FRMD5: variants seen among roughly 807,000 people sequenced by gnomAD.
FRMD5 encodes FERM domain-containing protein 5.
Under a neutral mutation model 69.0 loss-of-function variants are expected in FRMD5, and 20 were observed. The ratio of observed to expected loss-of-function variants is 0.29; its 90% confidence interval spans 0.20 to 0.42. The LOEUF is 0.42. Ranked by LOEUF, FRMD5 falls within the 10% of genes least tolerant of loss-of-function variation. The probability of loss-of-function intolerance (pLI) is 1.00; values close to 1 mark genes in which losing one functional copy is unlikely to be tolerated. For synonymous variants in FRMD5, 271 were observed against 260.1 expected (o/e 1.04, Z -0.40); for missense variants, 595 against 708.6 (o/e 0.84, Z 1.82).
At chr15:43,996,057 G>A (rs1889906576) in intron 1 of FRMD5, among the ~76,000 whole-genome samples, 1 of 152,120 alleles carries the variant, frequency 6.6e-6, no homozygotes, top group Admixed American at 6.5e-5. Flanking sequence ...GGTGCCTGAG[G>A]CCTAGGCTTC....
At chr15:44,157,931 AT>A (rs958278978) in intron 1 of FRMD5, among the ~76,000 whole-genome samples, 1 of 152,034 alleles carries the variant, frequency 6.6e-6, no homozygotes, top group Non-Finnish European at 1.5e-5. Context: ...ACTGGACTAC[AT>A]TTTTTCCCCT....
chr15:44,025,973 T>C (rs1891411464), intron 1 of FRMD5, among the ~76,000 whole-genome samples: 1 of 152,126 alleles, frequency 6.6e-6, no homozygotes, highest in South Asian at 2.1e-4. Flanking sequence ...CCTCCTTAAT[T>C]CCTTTTTTTG....
chr15:44,197,161 A>C (rs2140637530), upstream of FRMD5, among the ~76,000 whole-genome samples: 1 of 151,828 alleles, frequency 6.6e-6, no homozygotes, highest in Non-Finnish European at 1.5e-5. Flanking sequence ...AGATTGTGCC[A>C]CTGCACTCCA....
intron 1 of FRMD5, among the ~76,000 whole-genome samples, chr15:43,983,911 A>T (rs2090585498): frequency 6.6e-6 from 1 of 152,210 alleles, no homozygotes. Context: ...ATTTATAAAG[A>T]AGTCCCTTGA....
At chr15:43,926,703 C>A (rs530993164) in intron 1 of FRMD5, among the ~76,000 whole-genome samples, 1 of 151,826 alleles carries the variant, frequency 6.6e-6, no homozygotes, top group South Asian at 2.1e-4. Flanking sequence ...GTGGGCAACA[C>A]CCCTCCTCTT....
chr15:44,067,937 TTTC>T (rs1471999473), intron 1 of FRMD5, among the ~76,000 whole-genome samples: 4 of 152,160 alleles, frequency 2.6e-5, no homozygotes, highest in African/African-American at 7.2e-5. Flanking sequence ...GAAACAGATA[TTTC>T]TTCAAGTAAA....
intron 1 of FRMD5, among the ~76,000 whole-genome samples, chr15:43,924,727 C>T (rs745460643): frequency 5.3e-5 from 8 of 152,196 alleles, no homozygotes; most frequent in Non-Finnish European, 1.2e-4. Flanking sequence ...CACCATAGGT[C>T]AAGCCACCAC....
At chr15:43,971,995 A>G (rs1421482419) in intron 1 of FRMD5, among the ~76,000 whole-genome samples, 2 of 150,828 alleles carry the variant, frequency 1.3e-5, no homozygotes, top group Admixed American at 1.3e-4. Context: ...CAGGAGTTTG[A>G]GACCATCCTG....
chr15:44,050,091 G>T (rs895334613), intron 1 of FRMD5, among the ~76,000 whole-genome samples: 2 of 151,954 alleles, frequency 1.3e-5, no homozygotes, highest in Non-Finnish European at 2.9e-5. Flanking sequence ...TCAAATTTAG[G>T]AACACCAGAA....
In FRMD5 at chr15:43,884,597, T is replaced by C. The variant is rs1234666556; in HGVS notation, c.1028+130A>G. ...CTCCCCATCCCTCTGAGAAGTTTCT[T>C]CAGCCTTCTGCTCCATTTTGGACTT... On this transcript the variant is annotated intron_variant, in intron 12 of 13. Coordinates refer to ENST00000417257, the MANE Select transcript of FRMD5 (RefSeq NM_032892.5). The C allele has an allele frequency of 5.8e-6, 4 of 691,194 alleles. No individual in the cohort carries two copies. In the East Asian group the frequency reaches 1.1e-4, roughly 19 times the overall value. The allele number at this position is 691,194 out of a possible 1,614,324, so 42.8% of individuals were successfully genotyped here.
At chr15:43,913,381 C>T (rs907995416) in intron 4 of FRMD5, among the ~76,000 whole-genome samples, 1 of 152,240 alleles carries the variant, frequency 6.6e-6, no homozygotes, top group African/African-American at 2.4e-5. Context: ...AGGAGATGAG[C>T]TCATGAAAGA....
chr15:43,976,532 A>C (rs995942443), intron 1 of FRMD5, among the ~76,000 whole-genome samples: 1 of 152,246 alleles, frequency 6.6e-6, no homozygotes, highest in African/African-American at 2.4e-5. Flanking sequence ...AAGAGTTTTA[A>C]AAGGAAGAAA....
chr15:43,937,733 C>T (rs2089786316), intron 1 of FRMD5, among the ~76,000 whole-genome samples: 1 of 151,584 alleles, frequency 6.6e-6, no homozygotes, highest in Non-Finnish European at 1.5e-5. Flanking sequence ...AGAAGCTGAG[C>T]TGCCACGTGG....
At chr15:44,038,837 T>G (rs1892049086) in intron 1 of FRMD5, among the ~76,000 whole-genome samples, 1 of 152,036 alleles carries the variant, frequency 6.6e-6, no homozygotes, top group Non-Finnish European at 1.5e-5. Context: ...ATATTGCACT[T>G]TTCCCATGGT....
intron 1 of FRMD5, 85 bp downstream of exon 1, chr15:44,194,868 T>C (rs2140629781): frequency 6.9e-6 from 8 of 1,162,656 alleles, no homozygotes; most frequent in South Asian, 1.3e-5. Context: ...GGGCGACCCC[T>C]GGGCGGCGGC....
chr15:44,037,469 C>CTTT (rs777164587), intron 1 of FRMD5, among the ~76,000 whole-genome samples: 1 of 137,554 alleles, frequency 7.3e-6, no homozygotes, highest in Non-Finnish European at 1.6e-5. Context: ...TGTCTTTTCT[C>CTTT]TTTTTTTTTT....
chr15:43,926,409 A>T (rs2089586550), intron 1 of FRMD5, among the ~76,000 whole-genome samples: 2 of 152,222 alleles, frequency 1.3e-5, no homozygotes, highest in South Asian at 4.1e-4. Flanking sequence ...TTTGTCTCAG[A>T]AATTGAGGTT....
intron 1 of FRMD5, among the ~76,000 whole-genome samples, chr15:44,165,945 T>C (rs2077701962): frequency 6.6e-6 from 1 of 152,210 alleles, no homozygotes; most frequent in South Asian, 2.1e-4. Context: ...TTTTTTTCAC[T>C]ATTATAAATA....
chr15:44,156,030 G>C (rs534757230), intron 1 of FRMD5, among the ~76,000 whole-genome samples: 43 of 152,304 alleles, frequency 2.8e-4, no homozygotes, highest in Admixed American at 2.7e-3. Flanking sequence ...TGTCACAAAA[G>C]TTGAACCACT....
Sources: allele counts gnomAD v4.1 joint callset (sites outside exome capture counted in the v4.1 genomes callset), GRCh38; gene constraint gnomAD v4.1.1; transcripts MANE v1.5; gene names NCBI Gene and HGNC (gene_info 2026-07-23, HGNC 2026-07-21).